Variants in RAVER2 observed in about 807,000 individuals in gnomAD.
The protein encoded by RAVER2 is ribonucleoprotein, PTB binding 2, also known as ribonucleoprotein PTB-binding 2.
A neutral mutation model predicts 78.1 loss-of-function variants in RAVER2; 46 were observed. The observed-to-expected ratio is 0.59, with a 90% CI of 0.46 to 0.75. The LOEUF is 0.75. Among genes scored for constraint, RAVER2 ranks in the 30% least tolerant of loss-of-function variants. The pLI is 0.00. For synonymous variants in RAVER2, 311 were observed against 313.3 expected, an observed-to-expected ratio of 0.99 and a Z score of 0.08; for missense variants, 793 against 837.5, an observed-to-expected ratio of 0.95 and a Z score of 0.66.
At chr1:64,792,045 A>G (rs898989230) in intron 5 of RAVER2, among the ~76,000 whole-genome samples, 1 of 152,210 alleles carries the variant, frequency 6.6e-6, no homozygotes, top group African/African-American at 2.4e-5. Context: ...AAACAGATGG[A>G]CCATTGACAA....
chr1:64,770,854 A>G (rs1652296604), intron 2 of RAVER2, among the ~76,000 whole-genome samples: 1 of 152,006 alleles, frequency 6.6e-6, no homozygotes, highest in Non-Finnish European at 1.5e-5. Context: ...AAAATTAGTG[A>G]ACTTGAAAAC....
chr1:64,817,541 A>G (rs909349429), intron 11 of RAVER2, among the ~76,000 whole-genome samples: 1 of 152,132 alleles, frequency 6.6e-6, no homozygotes, highest in Non-Finnish European at 1.5e-5. Context: ...AAGAAAATGC[A>G]GCACATATGC....
intron 1 of RAVER2, among the ~76,000 whole-genome samples, chr1:64,767,215 T>C (rs745651597): frequency 6.6e-6 from 1 of 152,088 alleles, no homozygotes; most frequent in Non-Finnish European, 1.5e-5. Flanking sequence ...TTCTGTCTTC[T>C]TATTTATTAT....
chr1:64,797,829 A>G (rs12132206), intron 5 of RAVER2, among the ~76,000 whole-genome samples: 10,920 of 151,462 alleles, frequency 0.072, 522 homozygotes, highest in Non-Finnish European at 0.098. Context: ...TGTATTTTCT[A>G]TTATCTTGGA....
intron 11 of RAVER2, among the ~76,000 whole-genome samples, chr1:64,828,106 A>T (rs1280690286): frequency 6.6e-6 from 1 of 151,696 alleles, no homozygotes; most frequent in East Asian, 1.9e-4. Context: ...TCCAAATCCT[A>T]ACTCAGATGC....
intron 2 of RAVER2, among the ~76,000 whole-genome samples, chr1:64,774,360 T>C (rs1204306171): frequency 6.6e-6 from 1 of 152,186 alleles, no homozygotes; most frequent in African/African-American, 2.4e-5. Context: ...TTGTATAAGG[T>C]GTAAGAAAGG....
intron 11 of RAVER2, among the ~76,000 whole-genome samples, chr1:64,818,468 G>A (rs368051593): frequency 6.6e-6 from 1 of 151,850 alleles, no homozygotes; most frequent in Non-Finnish European, 1.5e-5. Context: ...CCCAGGAGGC[G>A]GAGGTTGCAG....
At chr1:64,790,783 G>A (rs1652917236) in intron 5 of RAVER2, among the ~76,000 whole-genome samples, 1 of 152,138 alleles carries the variant, frequency 6.6e-6, no homozygotes, top group Non-Finnish European at 1.5e-5. Context: ...AATATGTATA[G>A]AGCAAATATA....
chr1:64,820,145 A>T (rs1653850739), intron 11 of RAVER2, among the ~76,000 whole-genome samples: 1 of 152,212 alleles, frequency 6.6e-6, no homozygotes, highest in Non-Finnish European at 1.5e-5. Context: ...GTAGGTTGTG[A>T]TAAGTTGTGG....
At chr1:64,807,151 A>G in intron 8 of RAVER2, 55 bp from the exon 9 acceptor site, 1 of 1,555,450 alleles carries the variant, frequency 6.4e-7, no homozygotes, top group Non-Finnish European at 8.7e-7. Context: ...TAAAAGGACT[A>G]TTGTGAATAA....
intron 1 of RAVER2, among the ~76,000 whole-genome samples, chr1:64,765,030 T>A (rs376236720): frequency 2.2e-4 from 33 of 152,360 alleles, no homozygotes; most frequent in East Asian, 1.7e-3. Flanking sequence ...CATTGTTTAT[T>A]AATCATGTAA....
At position 64,752,724 on chromosome 1, in the gene RAVER2, C is replaced by T. The variant is rs149904915; in HGVS notation, c.249+7303C>T. Among the ~76,000 whole-genome samples the T allele has an allele frequency of 2.4e-3, 367 of 152,244 alleles. 4 individuals carry two copies. The highest frequency in any genetic ancestry group is 8.4e-3 in the African/African-American group (350 of 41,544). ...GGGATTGGTTAAAGACGGGCAATAACCTGGACCAAAGCCCATCAATACATG... is the reference window on the plus strand; with the variant it reads ...GGGATTGGTTAAAGACGGGCAATAATCTGGACCAAAGCCCATCAATACATG... On this transcript the variant is annotated intron_variant, in intron 1 of 11. Transcript: ENST00000294428.
chr1:64,812,078 G>T (rs1247044108), intron 9 of RAVER2, among the ~76,000 whole-genome samples: 2 of 152,024 alleles, frequency 1.3e-5, no homozygotes, highest in Admixed American at 6.6e-5. Flanking sequence ...AGGCGCGGTG[G>T]GTCACGCCTG....
intron 11 of RAVER2, among the ~76,000 whole-genome samples, chr1:64,826,341 GT>G (rs1243164369): frequency 6.6e-6 from 1 of 152,182 alleles, no homozygotes; most frequent in Admixed American, 6.5e-5. Context: ...GTTTAAATAC[GT>G]GGTCAAGGAA....
chr1:64,797,550 A>G (rs1413336754), intron 5 of RAVER2, among the ~76,000 whole-genome samples: 2 of 152,184 alleles, frequency 1.3e-5, no homozygotes, highest in Non-Finnish European at 2.9e-5. Context: ...GGGTTTGTCT[A>G]CTTTTCCTTT....
In RAVER2 at chr1:64,798,624, A is replaced by G. The variant is rs1405651215; in HGVS notation, c.1106-4352A>G. On this transcript the variant is annotated intron_variant, in intron 5 of 11. Coordinates refer to ENST00000294428, the Ensembl canonical transcript of RAVER2. ...TAGTTTTTTGAGGGAAGAGACTTCT[A>G]TTAATCTTTCATAGGTAATACATCT... Among the ~76,000 whole-genome samples the G allele has an allele frequency of 2.0e-5, 3 of 152,308 alleles. 1 individual carries two copies. Among genetic ancestry groups the G allele is most frequent in the African/African-American group, 7.2e-5 (3 of 41,584 alleles).
chr1:64,789,501 A>C (rs1304013374), exon 5 of RAVER2: 1 of 1,605,386 alleles, frequency 6.2e-7, no homozygotes, highest in African/African-American at 1.3e-5. Context: ...TATGTGGACG[A>C]GCTGTTAAAC....
intron 1 of RAVER2, among the ~76,000 whole-genome samples, chr1:64,760,107 A>G (rs957756686): frequency 1.0e-4 from 15 of 145,758 alleles, no homozygotes; most frequent in African/African-American, 3.7e-4. Flanking sequence ...GTGATGTGGA[A>G]AAAAAAAAAA....
At chr1:64,780,991 CA>C (rs1652610072) in intron 3 of RAVER2, among the ~76,000 whole-genome samples, 1 of 152,082 alleles carries the variant, frequency 6.6e-6, no homozygotes, top group African/African-American at 2.4e-5. Context: ...GATGTGTGGT[CA>C]AATAATTTGT....
Sources: allele counts gnomAD v4.1 joint callset (sites outside exome capture counted in the v4.1 genomes callset), GRCh38; gene constraint gnomAD v4.1.1; transcripts MANE v1.5; gene names NCBI Gene and HGNC (gene_info 2026-07-23, HGNC 2026-07-21).